Variants in CIT observed in about 807,000 individuals in gnomAD.
The protein encoded by CIT is citron Rho-interacting kinase.
A neutral mutation model predicts 272.7 loss-of-function variants in CIT; 79 were observed. The observed-to-expected ratio is 0.29, with a 90% confidence interval of 0.24 to 0.35. The LOEUF (loss-of-function observed/expected upper bound fraction) is 0.35, where lower values mean the gene tolerates loss of function less well. CIT is among the 10% of genes least tolerant of loss of function. The pLI, the probability that CIT is intolerant of heterozygous loss-of-function variation, is 1.00. For missense variants in CIT, 1,909 were observed against 2,618.3 expected, an observed-to-expected ratio of 0.73 and a Z score of 5.91; for synonymous variants, 948 against 995.6, an observed-to-expected ratio of 0.95 and a Z score of 0.90.
rs201559880 is a variant in CIT at position 119,836,284 on chromosome 12, TAAAAAAAA to T, written c.517-2064_517-2057del. 6.4e-4 allele frequency among the ~76,000 whole-genome samples: 27 copies of T among 42,256 alleles called. No individual in the cohort carries two copies. The South Asian group carries it at 0.016, about 25-fold the overall frequency. 27.7% of individuals were successfully genotyped at this position (42,256 alleles called of 152,430 possible). A position where few individuals can be genotyped will look rare whatever the true frequency, so the allele number is the denominator to read the frequency against. ...CCTGGCAACAGAGCGAGACTCCATCTAAAAAAAAAAAAAAAAAAAAAAAAAAAAAATTA... is the reference window on the plus strand; with the variant it reads ...CCTGGCAACAGAGCGAGACTCCATCTAAAAAAAAAAAAAAAAAAAAAATTA... On this transcript the variant is annotated intron_variant, in intron 5 of 47. Coordinates refer to ENST00000392521, the MANE Select transcript of CIT (RefSeq NM_001206999.2).
intron 33 of CIT, 148 bp downstream of exon 33, chr12:119,714,049 G>T: frequency 1.1e-6 from 1 of 877,656 alleles, no homozygotes; most frequent in Non-Finnish European, 1.7e-6. Context: ...GCTTCAACAG[G>T]GGAAAAATAG....
intron 10 of CIT, among the ~76,000 whole-genome samples, chr12:119,795,350 G>A (rs561243064): frequency 7.2e-5 from 11 of 152,242 alleles, no homozygotes; most frequent in Middle Eastern, 3.4e-3. Context: ...TTGTGTCACC[G>A]TACTCCAGCG....
intron 16 of CIT, among the ~76,000 whole-genome samples, chr12:119,774,893 G>A (rs1593692999): frequency 1.3e-5 from 2 of 152,254 alleles, no homozygotes; most frequent in South Asian, 2.1e-4. Flanking sequence ...AGGATCACCT[G>A]AGCGTGTGAA....
intron 46 of CIT, among the ~76,000 whole-genome samples, chr12:119,692,254 G>C (rs1955995034): frequency 6.6e-6 from 1 of 152,188 alleles, no homozygotes; most frequent in Admixed American, 6.5e-5. Context: ...TTCAAGACCA[G>C]CCCGGGCAAT....
Position 119,857,548 on chromosome 12 carries a change from T to C in CIT, c.389A>G (p.Lys130Arg), listed in dbSNP as rs1270955001. 6.2e-7 allele frequency: 1 copy of C among 1,614,200 alleles called. No individual in the cohort carries two copies. The highest frequency in any genetic ancestry group is 8.5e-7 in the Non-Finnish European group (1 of 1,180,034). ...CTGCTCCTGGGCCAATAAAGCCTTC[T>C]TCTTCATCACTTTCATAGCATAGAT... ...GDIYAMKVMK[K>R]KALLAQEQVS... is the part of the protein sequence containing the mutation. The change falls in exon 4 of 48, where the codon AAG becomes AGG. Residue 130 changes from lysine (K) to arginine (R), a missense_variant. Lys to Arg is a conservative substitution (Grantham distance 26). Around this residue, in one of 8 missense-constraint regions of CIT, gnomAD observed 529 missense variants for 549.6 expected, o/e 0.96. Transcript: ENST00000392521.
At chr12:119,824,919 C>T (rs546693111) in intron 8 of CIT, among the ~76,000 whole-genome samples, 171 of 152,292 alleles carry the variant, frequency 1.1e-3, no homozygotes, top group African/African-American at 3.7e-3. Context: ...CTGCCTCAGC[C>T]TCCAGAGTAG....
intron 30 of CIT, among the ~76,000 whole-genome samples, chr12:119,720,065 C>T (rs945366232): frequency 6.6e-5 from 10 of 152,102 alleles, no homozygotes; most frequent in African/African-American, 2.4e-4. Flanking sequence ...TGTTAAAGTC[C>T]TTTCTGGAGT....
chr12:119,820,277 G>A (rs1040635842), intron 9 of CIT, among the ~76,000 whole-genome samples: 5 of 152,206 alleles, frequency 3.3e-5, no homozygotes, highest in African/African-American at 9.6e-5. Flanking sequence ...GGGGCTGGGT[G>A]CGGTGGCTCA....
chr12:119,794,495 T>A (rs1218571286), intron 10 of CIT, among the ~76,000 whole-genome samples: 1 of 152,126 alleles, frequency 6.6e-6, no homozygotes, highest in East Asian at 1.9e-4. Context: ...GACTTACCCA[T>A]CCAGGGGATA....
chr12:119,743,882 C>T (rs915046772), intron 23 of CIT, among the ~76,000 whole-genome samples: 4 of 152,012 alleles, frequency 2.6e-5, no homozygotes, highest in African/African-American at 2.4e-5. Context: ...AAAAAAGTAG[C>T]CCAAGATGAT....
At chr12:119,841,900 T>C (rs1969435078) in intron 5 of CIT, among the ~76,000 whole-genome samples, 1 of 152,162 alleles carries the variant, frequency 6.6e-6, no homozygotes, top group South Asian at 2.1e-4. Context: ...TTAGGGTCTC[T>C]TTGATACAGC....
At chr12:119,709,810 GTGTGTGT>G (rs1957071058) in intron 39 of CIT, among the ~76,000 whole-genome samples, 1 of 146,692 alleles carries the variant, frequency 6.8e-6, no homozygotes, top group Non-Finnish European at 1.5e-5. Context: ...GTGTGTGTGT[GTGTGTGT>G]GTGTGTGTGT....
chr12:119,701,482 C>T (rs1956572200), intron 43 of CIT, 142 bp downstream of exon 43: 3 of 901,500 alleles, frequency 3.3e-6, no homozygotes, highest in Admixed American at 5.4e-5. Context: ...CCCAAGGGGA[C>T]TTGGTGGTGC....
intron 23 of CIT, among the ~76,000 whole-genome samples, chr12:119,743,877 A>T: frequency 6.6e-6 from 1 of 152,212 alleles, no homozygotes; most frequent in Admixed American, 6.5e-5. Context: ...AAGAAAAAAA[A>T]GTAGCCCAAG....
rs185748395 is a variant in CIT, at chr12:119,718,369, C to A, written c.4044G>T (p.Thr1348=). 1 of 1,613,760 alleles carries A rather than the reference C, an allele frequency of 6.2e-7. No homozygotes were observed. The highest frequency in any genetic ancestry group is 8.5e-7 in the Non-Finnish European group (1 of 1,179,902). The change falls in exon 32 of 48, where the codon ACG becomes ACT. Residue 1348 remains threonine (T), a synonymous_variant. Coordinates refer to ENST00000392521, the MANE Select transcript of CIT (RefSeq NM_001206999.2). The surrounding 1 kb of genome is among the most constrained non-coding windows in gnomAD (Gnocchi z 4.8). The part of the protein sequence containing the change: ...RKATDHPHPS[T]PATARQQIAM... ...CGATCTGCTGCCTCGCGGTGGCTGG[C>A]GTGGATGGGTGTGGGTGGTCCGTTG...
Position 119,690,632 on chromosome 12 carries a change from A to G in CIT, c.5883-178T>C, listed in dbSNP as rs1482198481. ...TTTTGGTAGCAAAGACAGGGAAGAG[A>G]GCAAAGATGGCAACAAAAGACAACC... On this transcript the variant is annotated intron_variant, in intron 46 of 47. Transcript: ENST00000392521. This position sits in a 1 kb window ranked among gnomAD's most constrained non-coding sequence, Gnocchi z 6.0. 6.6e-6 allele frequency among the ~76,000 whole-genome samples: 1 copy of G among 152,210 alleles called. No homozygotes were observed. The highest frequency in any genetic ancestry group is 1.5e-5 in the Non-Finnish European group (1 of 68,044).
chr12:119,722,376 C>T (rs1185739318), intron 28 of CIT, among the ~76,000 whole-genome samples: 1 of 152,188 alleles, frequency 6.6e-6, no homozygotes, highest in Non-Finnish European at 1.5e-5. Context: ...TAAACATCAT[C>T]ACTGGAGATT....
In CIT at chr12:119,718,440, T is replaced by C; in HGVS notation, c.4004-31A>G. 1 of 1,583,574 alleles carries C rather than the reference T, an allele frequency of 6.3e-7. No individual in the cohort carries two copies. On this transcript the variant is annotated intron_variant, in intron 31 of 47. Transcript: ENST00000392521. The surrounding 1 kb of genome is among the most constrained non-coding windows in gnomAD (Gnocchi z 4.8). ...GAGAGACCAGGACAATGCCTTTTGG[T>C]TAGCTGGGTCGCCTAGAGGACCAAA...
chr12:119,822,359 AAAT>A (rs1318691094), intron 9 of CIT, among the ~76,000 whole-genome samples: 1 of 152,250 alleles, frequency 6.6e-6, no homozygotes, highest in Non-Finnish European at 1.5e-5. Flanking sequence ...GAGCAAAGAC[AAAT>A]ATTATCGAGG....
Sources: allele counts gnomAD v4.1 joint callset (sites outside exome capture counted in the v4.1 genomes callset), GRCh38; gene constraint gnomAD v4.1.1; regional missense constraint gnomAD v4.1.1; non-coding constraint Gnocchi (gnomAD v3.1); transcripts MANE v1.5; gene names NCBI Gene and HGNC (gene_info 2026-07-23, HGNC 2026-07-21).